The following SFSWAP variants were observed in gnomAD, a reference collection of about 807,000 sequenced individuals.
The protein encoded by SFSWAP is splicing factor SWAP, also known as splicing factor, suppressor of white-apricot homolog.
Under a neutral mutation model 100.7 loss-of-function variants are expected in SFSWAP, and 17 were observed. That is an observed-to-expected ratio of 0.17 (90% CI 0.12 to 0.25). The LOEUF is 0.25. Ranked by LOEUF, SFSWAP falls within the 10% of genes least tolerant of loss-of-function variation. SFSWAP has a pLI of 1.00. For missense variants in SFSWAP, 1,005 were observed against 1,262.6 expected, an observed-to-expected ratio of 0.80 and a Z score of 3.09; for synonymous variants, 504 against 510.1, an observed-to-expected ratio of 0.99 and a Z score of 0.16.
intron 11 of SFSWAP, among the ~76,000 whole-genome samples, chr12:131,761,014 G>A (rs751538321): frequency 1.4e-4 from 22 of 152,206 alleles, no homozygotes; most frequent in African/African-American, 4.3e-4. Flanking sequence ...GGAAGTTGCA[G>A]TGAGCCTAGA....
chr12:131,763,052 A>G (rs572338948), intron 11 of SFSWAP, among the ~76,000 whole-genome samples: 82 of 152,312 alleles, frequency 5.4e-4, no homozygotes, highest in South Asian at 4.1e-3. Context: ...CTGTCCCGGT[A>G]TCAGTATCTT....
chr12:131,722,507 G>A (rs1878569204), intron 4 of SFSWAP, among the ~76,000 whole-genome samples: 2 of 152,214 alleles, frequency 1.3e-5, no homozygotes, highest in Non-Finnish European at 2.9e-5. Context: ...TTTATGGAAA[G>A]TGGGGAAGGA....
At chr12:131,777,263 G>A (rs1275492171) in intron 13 of SFSWAP, among the ~76,000 whole-genome samples, 1 of 152,072 alleles carries the variant, frequency 6.6e-6, no homozygotes, top group Non-Finnish European at 1.5e-5. Flanking sequence ...TTTAACGTTA[G>A]GTATATCTCC....
rs978465688 is a variant in SFSWAP at position 131,730,921 on chromosome 12, G to A, written c.1081+2493G>A. 6.6e-5 allele frequency among the ~76,000 whole-genome samples: 10 copies of A among 152,296 alleles called. No individual in the cohort carries two copies. Among genetic ancestry groups the A allele is most frequent in the African/African-American group, 2.2e-4 (9 of 41,566 alleles). On this transcript the variant is annotated intron_variant, in intron 7 of 17. Transcript: ENST00000261674. This position sits in a 1 kb window ranked among gnomAD's most constrained non-coding sequence, Gnocchi z 4.0. ...ACATGTGAGAGTAAGGGTGCCTGGG[G>A]GCTGGTGAAAGCATGCGTGTCTGCT...
At chr12:131,728,030 T>C (rs1374862782) in intron 6 of SFSWAP, among the ~76,000 whole-genome samples, 32 of 152,228 alleles carry the variant, frequency 2.1e-4, no homozygotes, top group Admixed American at 2.1e-3. Flanking sequence ...CACACTTTAA[T>C]TGGTGTCAAA....
chr12:131,798,390 G>A (rs983540203), intron 16 of SFSWAP, among the ~76,000 whole-genome samples: 2 of 152,164 alleles, frequency 1.3e-5, no homozygotes, highest in Non-Finnish European at 2.9e-5. Flanking sequence ...GCACACAGAC[G>A]CCTCATGCAC....
chr12:131,799,133 G>A (rs202209049), intron 17 of SFSWAP, 24 bp downstream of exon 17: 153 of 1,584,058 alleles, frequency 9.7e-5, no homozygotes, highest in Middle Eastern at 5.0e-4. Context: ...CCCCCCTCCC[G>A]CTCCCAGCCT....
chr12:131,751,118 ACAGT>A (rs767528588), intron 7 of SFSWAP, among the ~76,000 whole-genome samples: 1 of 152,190 alleles, frequency 6.6e-6, no homozygotes, highest in Non-Finnish European at 1.5e-5. Flanking sequence ...ATATAGACTA[ACAGT>A]CTGCGTGTTC....
chr12:131,752,892 A>G (rs1352413313), intron 7 of SFSWAP, among the ~76,000 whole-genome samples: 1 of 152,244 alleles, frequency 6.6e-6, no homozygotes, highest in East Asian at 1.9e-4. Flanking sequence ...TCCTCATGCC[A>G]TTCGCTTTCC....
chr12:131,798,891 G>GAA (rs745708733), intron 16 of SFSWAP, 146 bp from the exon 17 acceptor site: 380 of 535,160 alleles, frequency 7.1e-4, no homozygotes, highest in East Asian at 1.1e-3. Flanking sequence ...CTCTTGTCTG[G>GAA]AAAAAAAAAA....
chr12:131,770,023 T>A (rs1368592244), intron 13 of SFSWAP, among the ~76,000 whole-genome samples: 1 of 152,230 alleles, frequency 6.6e-6, no homozygotes, highest in Non-Finnish European at 1.5e-5. Context: ...AACAAAAATG[T>A]AATGGTTGTA....
Position 131,799,405 on chromosome 12 carries a change from G to C in SFSWAP, c.2791-18G>C. ...GCCAGGTCTTCACAGGTTCTCCTCT[G>C]TGTCTCGCCCTGCACAGGATCTCAT... On this transcript the variant is annotated intron_variant, in intron 17 of 17. Coordinates refer to ENST00000261674, the MANE Select transcript of SFSWAP (RefSeq NM_004592.4). The C allele has an allele frequency of 6.2e-7, 1 of 1,613,734 alleles. No homozygotes were observed. The highest frequency in any genetic ancestry group is 1.1e-5 in the South Asian group (1 of 91,072).
rs181095322 is a variant in SFSWAP at position 131,777,154 on chromosome 12, T to A, written c.2143-911T>A. On this transcript the variant is annotated intron_variant, in intron 13 of 17. Coordinates refer to ENST00000261674, the MANE Select transcript of SFSWAP (RefSeq NM_004592.4). ...TTTTTCCTTAAGAACTATTTTTTTT[T>A]ATTATACTTTAAGTTTTAGGGTACA... Among the ~76,000 whole-genome samples the A allele has an allele frequency of 3.1e-3, 465 of 152,346 alleles. 4 individuals carry two copies. The highest frequency in any genetic ancestry group is 5.0e-3 in the Non-Finnish European group (339 of 68,024).
chr12:131,731,278 A>G (rs1879480728), intron 7 of SFSWAP, among the ~76,000 whole-genome samples: 1 of 152,188 alleles, frequency 6.6e-6, no homozygotes, highest in Non-Finnish European at 1.5e-5. Context: ...CGGCCATTCC[A>G]GAATCTGCAG....
intron 7 of SFSWAP, 26 bp from the exon 8 acceptor site, chr12:131,753,097 C>T (rs1332965778): frequency 1.2e-6 from 2 of 1,612,618 alleles, no homozygotes; most frequent in Non-Finnish European, 1.7e-6. Flanking sequence ...CGGCCATGCT[C>T]ACTCCGGGGC....
At chr12:131,718,955 G>C (rs1407649651) in intron 3 of SFSWAP, among the ~76,000 whole-genome samples, 1 of 152,202 alleles carries the variant, frequency 6.6e-6, no homozygotes, top group African/African-American at 2.4e-5. Flanking sequence ...AAGCGGCAGG[G>C]CAGGAGTTTA....
Position 131,730,484 on chromosome 12 carries a change from A to T in SFSWAP, c.1081+2056A>T, listed in dbSNP as rs1278243163. On this transcript the variant is annotated intron_variant, in intron 7 of 17. Transcript: ENST00000261674. The surrounding 1 kb of genome is among the most constrained non-coding windows in gnomAD (Gnocchi z 4.0). The stretch of plus-strand genomic sequence containing the variant: ...TGCAGACCCCGCAGGACCAGGCAGG[A>T]TGGTGGAGCCGGCTGGTAGTGGCCG... Among the ~76,000 whole-genome samples, 1 of 152,198 alleles carries T rather than the reference A, an allele frequency of 6.6e-6. No homozygotes were observed. The highest frequency in any genetic ancestry group is 1.9e-4 in the East Asian group (1 of 5,190).
At chr12:131,764,289 G>A (rs1055224604) in intron 11 of SFSWAP, among the ~76,000 whole-genome samples, 167 bp from the exon 12 acceptor site, 1 of 152,172 alleles carries the variant, frequency 6.6e-6, no homozygotes. Context: ...GTGCACATCT[G>A]CACAGGTCTG....
chr12:131,732,909 G>A (rs1318369312), intron 7 of SFSWAP, among the ~76,000 whole-genome samples: 2 of 151,952 alleles, frequency 1.3e-5, no homozygotes, highest in Non-Finnish European at 2.9e-5. Flanking sequence ...GAGACTCTCA[G>A]TTGGGGCAAA....
Sources: allele counts gnomAD v4.1 joint callset (sites outside exome capture counted in the v4.1 genomes callset), GRCh38; gene constraint gnomAD v4.1.1; non-coding constraint Gnocchi (gnomAD v3.1); transcripts MANE v1.5; gene names NCBI Gene and HGNC (gene_info 2026-07-23, HGNC 2026-07-21).